The following RDM1 variants were observed in gnomAD, a reference collection of about 807,000 sequenced individuals.
RDM1 encodes RAD52 motif-containing protein 1.
RDM1 carries 28 observed loss-of-function variants against 27.7 expected under a neutral mutation model. That is an observed-to-expected ratio of 1.01 (90% confidence interval 0.75 to 1.39). RDM1 has a LOEUF of 1.39. Ranked by LOEUF, RDM1 falls within the 40% of genes most tolerant of loss-of-function variation. The probability of loss-of-function intolerance (pLI) is 0.00; values close to 1 mark genes in which losing one functional copy is unlikely to be tolerated. For synonymous variants in RDM1, 124 were observed against 127.5 expected (o/e 0.97, Z 0.19); for missense variants, 277 against 337.3 (o/e 0.82, Z 1.40).
At chr17:35,921,439 A>C (rs1486240722) in intron 5 of RDM1, among the ~76,000 whole-genome samples, 1 of 152,240 alleles carries the variant, frequency 6.6e-6, no homozygotes, top group African/African-American at 2.4e-5. Flanking sequence ...AACTCTGTTC[A>C]GGGACTCTTT....
In RDM1 at chr17:35,930,612, C is replaced by G. The variant is rs2089293235; in HGVS notation, c.96+20G>C. ...TGGGCAGCTTTCTCCATCCCTCCCT[C>G]CATCCTGGCCCCGGCTCACATGCAA... On this transcript the variant is annotated intron_variant, in intron 1 of 6. Transcript: ENST00000620284. 6.2e-7 allele frequency: 1 copy of G among 1,607,358 alleles called. No individual in the cohort carries two copies. Among genetic ancestry groups the G allele is most frequent in the African/African-American group, 1.3e-5 (1 of 74,672 alleles).
At chr17:35,929,566 C>T (rs1285059688) in intron 2 of RDM1, among the ~76,000 whole-genome samples, 3 of 152,186 alleles carry the variant, frequency 2.0e-5, no homozygotes, top group East Asian at 1.9e-4. Context: ...TTCAGCCTCC[C>T]GAGTAGCTGG....
chr17:35,926,426 C>T (rs1015180834), intron 2 of RDM1, among the ~76,000 whole-genome samples: 2 of 150,630 alleles, frequency 1.3e-5, no homozygotes, highest in Non-Finnish European at 3.0e-5. Context: ...TTTTCTGAGA[C>T]GGAGTCTCGC....
At position 35,924,899 on chromosome 17, in the gene RDM1, G is replaced by A. The variant is rs1598673813; in HGVS notation, c.400-127C>T. 13 of 781,018 alleles carry A rather than the reference G, an allele frequency of 1.7e-5. No homozygotes were observed. The East Asian group carries it at 3.6e-4, about 21-fold the overall frequency. 48.4% of individuals were successfully genotyped at this position (781,018 alleles called of 1,614,324 possible). A position where few individuals can be genotyped will look rare whatever the true frequency, so the allele number is the denominator to read the frequency against. On this transcript the variant is annotated intron_variant, in intron 3 of 6. Coordinates refer to ENST00000620284, the MANE Select transcript of RDM1 (RefSeq NM_145654.4). Reference sequence around the variant, plus strand: ...GCCTGTAATCCCAGTACTTTGGGAGGCCGAGGTGGGCGGATCACGAGGTCA... The same window carrying A: ...GCCTGTAATCCCAGTACTTTGGGAGACCGAGGTGGGCGGATCACGAGGTCA...
intron 2 of RDM1, among the ~76,000 whole-genome samples, chr17:35,929,845 T>C (rs1007384038): frequency 6.6e-6 from 1 of 152,204 alleles, no homozygotes; most frequent in African/African-American, 2.4e-5. Flanking sequence ...TTAGCATCAG[T>C]AGGTTTTAGT....
At chr17:35,922,810 G>A in intron 4 of RDM1, 135 bp from the exon 5 acceptor site, 1 of 654,854 alleles carries the variant, frequency 1.5e-6, no homozygotes, top group East Asian at 2.8e-5. Context: ...CAAGCGTATG[G>A]TTGAATGGCT....
At chr17:35,921,983 C>G (rs985456870) in intron 5 of RDM1, among the ~76,000 whole-genome samples, 1 of 147,492 alleles carries the variant, frequency 6.8e-6, no homozygotes, top group Non-Finnish European at 1.5e-5. Context: ...AGCAGTGGCA[C>G]GATCTTGGCT....
intron 3 of RDM1, among the ~76,000 whole-genome samples, chr17:35,925,007 G>A (rs759014491): frequency 7.9e-5 from 12 of 152,060 alleles, no homozygotes; most frequent in Non-Finnish European, 1.0e-4. Context: ...GGTGGTGGGC[G>A]CCTGTAGTCC....
intron 5 of RDM1, 164 bp downstream of exon 5, chr17:35,922,413 T>C: frequency 1.2e-6 from 1 of 850,588 alleles, no homozygotes; most frequent in Non-Finnish European, 1.7e-6. Flanking sequence ...TTCACAAATG[T>C]CACACAGAAC....
chr17:35,930,160 G>A lies in RDM1; in HGVS notation c.192C>T (p.Val64=). Residue 64 remains valine, a synonymous_variant, in exon 2 of 7, where the codon GTC becomes GTT. Coordinates refer to ENST00000620284, the MANE Select transcript of RDM1 (RefSeq NM_145654.4). The part of the protein sequence containing the change: ...AAVAHPGFYA[V]IKFYSARAAH... ...CAGCCCTTGCAGAATAAAACTTAATGACGGCATAGAAACCAGGATGGGCCA... is the reference window on the plus strand; with the variant it reads ...CAGCCCTTGCAGAATAAAACTTAATAACGGCATAGAAACCAGGATGGGCCA... 1 of 1,614,160 alleles carries A rather than the reference G, an allele frequency of 6.2e-7. No individual in the cohort carries two copies. The highest frequency in any genetic ancestry group is 1.7e-5 in the Admixed American group (1 of 60,014).
At chr17:35,926,264 C>T (rs2089146453) in intron 2 of RDM1, among the ~76,000 whole-genome samples, 1 of 152,010 alleles carries the variant, frequency 6.6e-6, no homozygotes, top group African/African-American at 2.4e-5. Context: ...AACATTTTAT[C>T]CATTTTTGTG....
intron 4 of RDM1, 47 bp from the exon 5 acceptor site, chr17:35,922,722 T>G: frequency 1.4e-6 from 2 of 1,420,994 alleles, no homozygotes; most frequent in Non-Finnish European, 1.9e-6. Context: ...ATTTGAATGA[T>G]AATTGCTATA....
chr17:35,918,377 C>T lies in RDM1; in HGVS notation c.820G>A (p.Glu274Lys). 6.2e-7 allele frequency: 1 copy of T among 1,614,070 alleles called. No individual in the cohort carries two copies. The highest frequency in any genetic ancestry group is 8.5e-7 in the Non-Finnish European group (1 of 1,180,020). The change falls in exon 7 of 7, where the codon GAG becomes AAG. Residue 274 changes from glutamate to lysine, a missense_variant. Coordinates refer to ENST00000620284, the MANE Select transcript of RDM1 (RefSeq NM_145654.4). ...EEGYLSDFSLEEEEFRLPELD is the reference protein window; with the variant it reads ...EEGYLSDFSLKEEEFRLPELD ...TCTGGCAGCCTGAACTCTTCCTCCT[C>T]CAAGCTGAAATCCGAGAGATACCCT...
chr17:35,927,269 G>A (rs1400639960), intron 2 of RDM1, among the ~76,000 whole-genome samples: 1 of 151,966 alleles, frequency 6.6e-6, no homozygotes, highest in African/African-American at 2.4e-5. Context: ...GAGAAATCTT[G>A]TTTCTACCAA....
chr17:35,926,856 G>A (rs565567127), intron 2 of RDM1, among the ~76,000 whole-genome samples: 65 of 152,090 alleles, frequency 4.3e-4, no homozygotes, highest in African/African-American at 1.4e-3. Context: ...ATGATCTATC[G>A]ATTGAATGAA....
chr17:35,929,165 A>G (rs1182079239), intron 2 of RDM1, among the ~76,000 whole-genome samples: 1 of 152,194 alleles, frequency 6.6e-6, no homozygotes, highest in Admixed American at 6.5e-5. Context: ...GCTTGAGGCC[A>G]GGATTTAGAG....
intron 2 of RDM1, among the ~76,000 whole-genome samples, chr17:35,929,504 C>T (rs951710979): frequency 2.6e-5 from 4 of 152,092 alleles, no homozygotes; most frequent in African/African-American, 9.7e-5. Flanking sequence ...TGCAGTGGCA[C>T]AATCTCGGGT....
Position 35,930,188 on chromosome 17 carries a change from G to A in RDM1, c.164C>T (p.Ala55Val), listed in dbSNP as rs758171819. Residue 55 changes from alanine (A) to valine (V), a missense_variant, in exon 2 of 7, where the codon GCA becomes GTA. Ala to Val is a moderately conservative substitution (Grantham distance 64). Coordinates refer to ENST00000620284, the MANE Select transcript of RDM1 (RefSeq NM_145654.4). The stretch of plus-strand genomic sequence containing the variant: ...GGCATAGAAACCAGGATGGGCCACT[G>A]CAGCATTTGGGAAGACCCGGACTGA... ...LYSVRVFPNA[A>V]VAHPGFYAVI... 1 of 1,614,182 alleles carries A rather than the reference G, an allele frequency of 6.2e-7. No individual in the cohort carries two copies.
intron 3 of RDM1, 93 bp downstream of exon 3, chr17:35,925,422 C>T: frequency 7.1e-7 from 1 of 1,414,874 alleles, no homozygotes; most frequent in Non-Finnish European, 9.7e-7. Context: ...CACATCTCCT[C>T]CCTACAATCC....
Sources: gnomAD v4.1 joint callset for allele counts (sites outside exome capture counted in the v4.1 genomes callset) on GRCh38, gnomAD v4.1.1 for gene constraint, MANE v1.5 for transcripts, NCBI Gene and HGNC (gene_info 2026-07-23, HGNC 2026-07-21) for gene names.